The following ALB variants were observed in gnomAD, a reference collection of about 807,000 sequenced individuals.
ALB encodes albumin, also known as serum albumin.
ALB carries 37 observed loss-of-function variants against 74.5 expected under a neutral mutation model. The ratio of observed to expected loss-of-function variants is 0.50; its 90% CI spans 0.38 to 0.65. The LOEUF is 0.65. Ranked by LOEUF, ALB falls within the 30% of genes least tolerant of loss-of-function variation. The pLI is 0.00. For synonymous variants in ALB, 249 were observed against 251.6 expected (o/e 0.99, Z 0.10); for missense variants, 685 against 718.7 (o/e 0.95, Z 0.54).
intron 3 of ALB, 57 bp from the exon 4 acceptor site, chr4:73,408,537 T>C (rs1577935960): frequency 6.8e-7 from 1 of 1,463,218 alleles, no homozygotes; most frequent in Non-Finnish European, 9.5e-7. Flanking sequence ...TACTGTTCTT[T>C]GGCTATAAAG....
At position 73,404,307 on chromosome 4, in the gene ALB, A is replaced by G. The variant is rs1718661368; in HGVS notation, c.-21A>G. ...TTGTCCTAGCTTTTCTCTTCTGTCA[A>G]CCCCACACGCCTTTGGCACAATGAA... is the stretch of plus-strand genomic sequence containing the variant. On this transcript the variant is annotated 5_prime_UTR_variant, in exon 1 of 15. Transcript: ENST00000295897. 43 of 1,597,526 alleles carry G rather than the reference A, an allele frequency of 2.7e-5. No homozygotes were observed. Among genetic ancestry groups the G allele is most frequent in the Non-Finnish European group, 3.5e-5 (41 of 1,165,142 alleles).
At position 73,413,572 on chromosome 4, in the gene ALB, T is replaced by C; in HGVS notation, c.996T>C (p.Asp332=). The change falls in exon 8 of 15, where the codon GAT becomes GAC. Residue 332 remains aspartate (D), a synonymous_variant. Coordinates refer to ENST00000295897, the MANE Select transcript of ALB (RefSeq NM_000477.7). The stretch of plus-strand genomic sequence containing the variant: ...CTGACTTGCCTTCATTAGCTGCTGA[T>C]TTTGTTGAAAGTAAGGATGTTTGCA... The part of the protein sequence containing the change: ...MPADLPSLAA[D]FVESKDVCKN... The C allele has an allele frequency of 6.2e-7, 1 of 1,614,174 alleles. No individual in the cohort carries two copies. The highest frequency in any genetic ancestry group is 8.5e-7 in the Non-Finnish European group (1 of 1,180,026).
intron 3 of ALB, 116 bp from the exon 4 acceptor site, chr4:73,408,478 T>G: frequency 1.1e-6 from 1 of 930,342 alleles, no homozygotes; most frequent in Non-Finnish European, 1.7e-6. Context: ...GGGAAGCGGA[T>G]TTTTAAATGA....
chr4:73,409,535 T>A (rs1718818985), intron 5 of ALB, 48 bp downstream of exon 5: 1 of 1,612,384 alleles, frequency 6.2e-7, no homozygotes. Flanking sequence ...CCAACCTGAT[T>A]TTGTCCATTT....
At chr4:73,409,908 AT>A in intron 5 of ALB, among the ~76,000 whole-genome samples, 1 of 152,182 alleles carries the variant, frequency 6.6e-6, no homozygotes, top group East Asian at 1.9e-4. Context: ...CCATAAATAT[AT>A]ATTATGGAAT....
intron 1 of ALB, 136 bp downstream of exon 1, chr4:73,404,542 G>A: frequency 1.4e-6 from 1 of 694,818 alleles, no homozygotes; most frequent in Admixed American, 2.5e-5. Context: ...TATTTGTGAA[G>A]TCTTACAAGG....
In ALB at chr4:73,420,964, G is replaced by A; in HGVS notation, c.*24-128G>A. The A allele has an allele frequency of 2.2e-5, 13 of 582,936 alleles. No homozygotes were observed. In the South Asian group the frequency reaches 2.6e-4, roughly 12 times the overall value. The allele number at this position is 582,936 out of a possible 1,614,324, so 36.1% of individuals were successfully genotyped here. On this transcript the variant is annotated intron_variant, in intron 14 of 14. Transcript: ENST00000295897. ...TTCAGCAGCCGTAAGTCTAGGACAG[G>A]CTTAAATTGTTTTCACTGGTGTAAA...
At position 73,404,291 on chromosome 4, in the gene ALB, C is replaced by G. The variant is rs765131390; in HGVS notation, c.-37C>G. 6.6e-6 allele frequency: 10 copies of G among 1,522,706 alleles called. No individual in the cohort carries two copies. Among genetic ancestry groups the G allele is most frequent in the Non-Finnish European group, 7.3e-6 (8 of 1,096,986 alleles). 94.3% of individuals were successfully genotyped at this position (1,522,706 alleles called of 1,614,324 possible). A position where few individuals can be genotyped will look rare whatever the true frequency, so the allele number is the denominator to read the frequency against. On this transcript the variant is annotated 5_prime_UTR_variant, in exon 1 of 15. Transcript: ENST00000295897. ...GCTAATTTCCCTCCGTTTGTCCTAG[C>G]TTTTCTCTTCTGTCAACCCCACACG...
In ALB at chr4:73,410,339, GC is replaced by G; in HGVS notation, c.644del (p.Ala215ValfsTer26). The G allele has an allele frequency of 6.2e-7, 1 of 1,613,766 alleles. No homozygotes were observed. The highest frequency in any genetic ancestry group is 1.1e-5 in the South Asian group (1 of 91,060). On this transcript the variant is annotated frameshift_variant, in exon 6 of 15. Transcript: ENST00000295897. LOFTEE classifies it high-confidence loss of function. ...CGATGAACTTCGGGATGAAGGGAAG[GC>G]TTCGTCTGCCAAACAGAGACTCAAG... ...KLDELRDEGK[A>X]SSAKQRLKCA...
At chr4:73,420,634 G>A (rs945228736) in intron 14 of ALB, among the ~76,000 whole-genome samples, 4 of 152,040 alleles carry the variant, frequency 2.6e-5, no homozygotes, top group African/African-American at 4.8e-5. Flanking sequence ...TATATGATGC[G>A]GTACACAGAG....
chr4:73,408,626 T>G lies in ALB; in HGVS notation c.303T>G (p.Val101=). 7 of 1,614,024 alleles carry G rather than the reference T, an allele frequency of 4.3e-6. No individual in the cohort carries two copies. The highest frequency in any genetic ancestry group is 5.9e-6 in the Non-Finnish European group (7 of 1,179,920). Residue 101 remains valine (V), a synonymous_variant, in exon 4 of 15, where the codon GTT becomes GTG. Coordinates refer to ENST00000295897, the MANE Select transcript of ALB (RefSeq NM_000477.7). ...HTLFGDKLCT[V]ATLRETYGEM... ...TTTTTGGAGACAAATTATGCACAGT[T>G]GCAACTCTTCGTGAAACCTATGGTG... is the stretch of plus-strand genomic sequence containing the variant.
chr4:73,421,169 C>T lies in ALB; in HGVS notation c.*101C>T. 1.5e-6 allele frequency: 1 copy of T among 670,362 alleles called. No individual in the cohort carries two copies. 41.5% of individuals were successfully genotyped at this position (670,362 alleles called of 1,614,324 possible). On this transcript the variant is annotated 3_prime_UTR_variant, in exon 15 of 15. Coordinates refer to ENST00000295897, the MANE Select transcript of ALB (RefSeq NM_000477.7). ...TTTTTCTTTTTCGTTGGTGTAAAGC[C>T]AACACCCTGTCTAAAAAACATAAAT...
At chr4:73,405,067 C>G (rs377279251) in intron 1 of ALB, 49 bp from the exon 2 acceptor site, 31 of 1,506,846 alleles carry the variant, frequency 2.1e-5, no homozygotes, top group Non-Finnish European at 2.8e-5. Context: ...ATTATTACTT[C>G]TTGTTTTCTT....
intron 2 of ALB, among the ~76,000 whole-genome samples, chr4:73,405,529 G>C (rs1220687383): frequency 6.6e-6 from 1 of 151,984 alleles, no homozygotes; most frequent in Admixed American, 6.6e-5. Flanking sequence ...GGTTTCCTTT[G>C]GTGGCTTACC....
chr4:73,409,037 A>T (rs1045395244), intron 4 of ALB: 2 of 581,824 alleles, frequency 3.4e-6, no homozygotes, highest in African/African-American at 1.9e-5. Flanking sequence ...TTTCTGAAAA[A>T]TTTAAGATAG....
intron 4 of ALB, 37 bp from the exon 5 acceptor site, chr4:73,409,318 T>A (rs1037870891): frequency 5.3e-5 from 84 of 1,599,566 alleles, no homozygotes; most frequent in Non-Finnish European, 6.9e-5. Flanking sequence ...TATTGTCTGC[T>A]ATAGAAAAGT....
In ALB at chr4:73,417,679, T is replaced by TA. The variant is rs1308144534; in HGVS notation, c.1428+17dup. The TA allele has an allele frequency of 1.9e-6, 3 of 1,562,388 alleles. No homozygotes were observed. Among genetic ancestry groups the TA allele is most frequent in the East Asian group, 4.6e-5 (2 of 43,018 alleles). ...CTGTGCAGAAGACTATGTGAGTCTT[T>TA]AAAAAAATATAATAAATTAATAATG... On this transcript the variant is annotated intron_variant, in intron 11 of 14. Coordinates refer to ENST00000295897, the MANE Select transcript of ALB (RefSeq NM_000477.7).
intron 8 of ALB, among the ~76,000 whole-genome samples, chr4:73,414,629 A>G (rs1302869759): frequency 6.6e-6 from 1 of 151,928 alleles, no homozygotes; most frequent in East Asian, 1.9e-4. Flanking sequence ...CTAATTTTGT[A>G]TTTTTAGTAG....
intron 11 of ALB, 72 bp from the exon 12 acceptor site, chr4:73,418,016 T>G: frequency 2.8e-6 from 4 of 1,451,374 alleles, no homozygotes; most frequent in Non-Finnish European, 3.8e-6. Flanking sequence ...GCCTGGCTAA[T>G]TTTTTGTATT....
Sources: allele counts gnomAD v4.1 joint callset (sites outside exome capture counted in the v4.1 genomes callset), GRCh38; gene constraint gnomAD v4.1.1; transcripts MANE v1.5; gene names NCBI Gene and HGNC (gene_info 2026-07-23, HGNC 2026-07-21).